The following CDNF variants were observed in gnomAD, a reference collection of about 807,000 sequenced individuals.
CDNF encodes the protein cerebral dopamine neurotrophic factor, also known as ARMET-like protein 1.
A neutral mutation model predicts 14.8 loss-of-function variants in CDNF; 9 were observed. The observed-to-expected ratio is 0.61, with a 90% CI of 0.37 to 1.06. The LOEUF is 1.06. CDNF is among the 50% of genes least tolerant of loss of function. The pLI is 0.01. For synonymous variants in CDNF, 86 were observed against 87.2 expected, an observed-to-expected ratio of 0.99 and a Z score of 0.07; for missense variants, 228 against 228.4, an observed-to-expected ratio of 1.00 and a Z score of 0.01.
At chr10:14,832,574 G>A (rs2895609) in intron 1 of CDNF, among the ~76,000 whole-genome samples, 151 of 152,300 alleles carry the variant, frequency 9.9e-4, no homozygotes, top group African/African-American at 3.3e-3. Flanking sequence ...CCAGTTTAGA[G>A]GTTCTCAAAA....
At chr10:14,827,956 T>C (rs1833812755) in intron 2 of CDNF, among the ~76,000 whole-genome samples, 189 bp downstream of exon 2, 1 of 152,114 alleles carries the variant, frequency 6.6e-6, no homozygotes, top group African/African-American at 2.4e-5. Context: ...AAAGTAACAC[T>C]GGAAATATTC....
intron 1 of CDNF, among the ~76,000 whole-genome samples, chr10:14,837,607 G>T (rs558737830): frequency 6.6e-6 from 1 of 152,220 alleles, no homozygotes; most frequent in African/African-American, 2.4e-5. Context: ...TTTTACTGCT[G>T]AAGTTTAATA....
chr10:14,836,152 G>C (rs1301579813), intron 1 of CDNF: 1 of 152,188 alleles, frequency 6.6e-6, no homozygotes. Flanking sequence ...CTTATACATT[G>C]AGAAGAAATT....
rs1564313414 is a variant in CDNF, at chr10:14,826,089, AAGAAGAAGCAGCAGC to A, written c.244-484_244-470del. 5.2e-3 allele frequency among the ~76,000 whole-genome samples: 648 copies of A among 125,198 alleles called. 1 individual carries two copies. The highest frequency in any genetic ancestry group is 8.3e-3 in the Middle Eastern group (2 of 242). 82.1% of individuals were successfully genotyped at this position (125,198 alleles called of 152,430 possible). Reference sequence around the variant, plus strand: ...GAAGAAGAAGAAGAAGAAGAAGAAGAAGAAGAAGCAGCAGCAGCAGCAGCAGCAGCAGCAGAAGCA... The same window carrying A: ...GAAGAAGAAGAAGAAGAAGAAGAAGAAGCAGCAGCAGCAGCAGCAGAAGCA... On this transcript the variant is annotated intron_variant, in intron 2 of 3. Transcript: ENST00000465530.
Position 14,838,035 on chromosome 10 carries a change from A to G in CDNF, c.-89T>C, listed in dbSNP as rs541434839. ...GAGCTGAGCAGAATTCGAGGTTGGA[A>G]AGAATCTGCCAGTAGTTGCCAGGAC... On this transcript the variant is annotated 5_prime_UTR_variant, in exon 1 of 4. Transcript: ENST00000465530. The G allele has an allele frequency of 1.0e-6, 1 of 974,016 alleles. No individual in the cohort carries two copies. Among genetic ancestry groups the G allele is most frequent in the East Asian group, 2.6e-5 (1 of 38,328 alleles). The allele number at this position is 974,016 out of a possible 1,614,324, so 60.3% of individuals were successfully genotyped here.
chr10:14,838,009 C>A lies in CDNF; in HGVS notation c.-63G>T. On this transcript the variant is annotated 5_prime_UTR_variant, in exon 1 of 4. Transcript: ENST00000465530. Reference sequence around the variant, plus strand: ...CCCACCGCCCACCAAGCTGCCAAAGCGAGCTGAGCAGAATTCGAGGTTGGA... The same window carrying A: ...CCCACCGCCCACCAAGCTGCCAAAGAGAGCTGAGCAGAATTCGAGGTTGGA... The A allele has an allele frequency of 1.6e-6, 2 of 1,255,684 alleles. No individual in the cohort carries two copies. The highest frequency in any genetic ancestry group is 1.1e-6 in the Non-Finnish European group (1 of 887,238). 77.8% of individuals were successfully genotyped at this position (1,255,684 alleles called of 1,614,324 possible). A position where few individuals can be genotyped will look rare whatever the true frequency, so the allele number is the denominator to read the frequency against.
chr10:14,825,695 C>G, intron 2 of CDNF, 75 bp from the exon 3 acceptor site: 1 of 1,489,354 alleles, frequency 6.7e-7, no homozygotes, highest in Non-Finnish European at 9.3e-7. Context: ...TGAAGGAATA[C>G]AGTATCAAGA....
Position 14,819,904 on chromosome 10 carries a change from C to G in CDNF, c.*76G>C. 1 of 1,387,276 alleles carries G rather than the reference C, an allele frequency of 7.2e-7. No homozygotes were observed. The highest frequency in any genetic ancestry group is 9.9e-7 in the Non-Finnish European group (1 of 1,014,234). The allele number at this position is 1,387,276 out of a possible 1,614,324, so 85.9% of individuals were successfully genotyped here. A position where few individuals can be genotyped will look rare whatever the true frequency, so the allele number is the denominator to read the frequency against. ...CAAATATGATGCATTCCCAGTTATCCTTAATCAACATGTCCATATCCTAGA... is the reference window on the plus strand; with the variant it reads ...CAAATATGATGCATTCCCAGTTATCGTTAATCAACATGTCCATATCCTAGA... On this transcript the variant is annotated 3_prime_UTR_variant, in exon 4 of 4. Transcript: ENST00000465530.
intron 3 of CDNF, among the ~76,000 whole-genome samples, chr10:14,821,613 T>C (rs74561802): frequency 6.6e-6 from 1 of 152,210 alleles, no homozygotes; most frequent in Admixed American, 6.5e-5. Context: ...GCACAGGTAC[T>C]GAAGGACAAC....
At chr10:14,836,708 G>A (rs995192294) in intron 1 of CDNF, among the ~76,000 whole-genome samples, 2 of 152,174 alleles carry the variant, frequency 1.3e-5, no homozygotes, top group African/African-American at 2.4e-5. Context: ...GAGGCGGGCC[G>A]ATCACCTGAG....
At chr10:14,833,145 C>T (rs1422794435) in intron 1 of CDNF, among the ~76,000 whole-genome samples, 1 of 152,020 alleles carries the variant, frequency 6.6e-6, no homozygotes, top group East Asian at 1.9e-4. Context: ...AGGCATGAGC[C>T]ACCATGCCTG....
At chr10:14,834,562 T>A (rs1338065249) in intron 1 of CDNF, among the ~76,000 whole-genome samples, 8 of 152,200 alleles carry the variant, frequency 5.3e-5, no homozygotes, top group African/African-American at 1.9e-4. Context: ...CTTTTCAAGA[T>A]CTACATTTGA....
At chr10:14,830,668 A>C (rs1026725090) in intron 1 of CDNF, among the ~76,000 whole-genome samples, 3 of 152,186 alleles carry the variant, frequency 2.0e-5, no homozygotes, top group Admixed American at 6.5e-5. Flanking sequence ...CAATATGATG[A>C]AACCCCGTCT....
chr10:14,838,015 G>A lies in CDNF; in HGVS notation c.-69C>T, dbSNP rs868145170. The A allele has an allele frequency of 5.8e-6, 7 of 1,203,248 alleles. No homozygotes were observed. Among genetic ancestry groups the A allele is most frequent in the African/African-American group, 4.5e-5 (3 of 66,592 alleles). The allele number at this position is 1,203,248 out of a possible 1,614,324, so 74.5% of individuals were successfully genotyped here. On this transcript the variant is annotated 5_prime_UTR_variant, in exon 1 of 4. Transcript: ENST00000465530. ...GCCCACCAAGCTGCCAAAGCGAGCT[G>A]AGCAGAATTCGAGGTTGGAAAGAAT...
chr10:14,821,133 T>C (rs1414025628), intron 3 of CDNF, among the ~76,000 whole-genome samples: 2 of 151,978 alleles, frequency 1.3e-5, no homozygotes, highest in South Asian at 2.1e-4. Flanking sequence ...TCTTTTTCTT[T>C]TTTTTTTTTG....
intron 2 of CDNF, among the ~76,000 whole-genome samples, chr10:14,827,265 A>C (rs1473042479): frequency 6.6e-6 from 1 of 151,908 alleles, no homozygotes; most frequent in Non-Finnish European, 1.5e-5. Context: ...AATGATACGG[A>C]TAAATGGCAT....
At chr10:14,826,211 G>C (rs1289922961) in intron 2 of CDNF, among the ~76,000 whole-genome samples, 1 of 150,164 alleles carries the variant, frequency 6.7e-6, no homozygotes. Context: ...AGAAGAAGAA[G>C]AAGAAGAAGC....
At chr10:14,832,967 C>T (rs968000501) in intron 1 of CDNF, among the ~76,000 whole-genome samples, 5 of 137,566 alleles carry the variant, frequency 3.6e-5, no homozygotes, top group Non-Finnish European at 3.0e-5. Context: ...TGAAGTGATT[C>T]TTGTGCCTCA....
chr10:14,826,483 A>C (rs539030642), intron 2 of CDNF, among the ~76,000 whole-genome samples: 2 of 60,532 alleles, frequency 3.3e-5, no homozygotes, highest in African/African-American at 2.9e-4. Flanking sequence ...GAAGAAGAAA[A>C]AGAAGAAGAA....
Sources: gnomAD v4.1 joint callset for allele counts (sites outside exome capture counted in the v4.1 genomes callset) on GRCh38, gnomAD v4.1.1 for gene constraint, MANE v1.5 for transcripts, NCBI Gene and HGNC (gene_info 2026-07-23, HGNC 2026-07-21) for gene names.